ABCB4: variants seen among roughly 807,000 people sequenced by gnomAD.
ABCB4 encodes ATP binding cassette subfamily B member 4, also known as phosphatidylcholine translocator ABCB4.
A neutral mutation model predicts 145.7 loss-of-function variants in ABCB4; 76 were observed. The ratio of observed to expected loss-of-function variants is 0.52; its 90% CI spans 0.43 to 0.63. The LOEUF is 0.63. ABCB4 is among the 30% of genes least tolerant of loss of function. ABCB4 has a pLI of 0.00. For synonymous variants in ABCB4, 517 were observed against 566.8 expected (o/e 0.91, Z 1.25); for missense variants, 1,234 against 1,553.1 (o/e 0.79, Z 3.45).
chr7:87,416,744 T>C (rs1265397357), intron 21 of ABCB4, among the ~76,000 whole-genome samples: 1 of 152,200 alleles, frequency 6.6e-6, no homozygotes, highest in African/African-American at 2.4e-5. Context: ...GTGCCTGCCT[T>C]ATAGGATTAT....
intron 4 of ABCB4, among the ~76,000 whole-genome samples, chr7:87,455,534 G>A (rs1430852940): frequency 6.6e-6 from 1 of 152,214 alleles, no homozygotes; most frequent in Admixed American, 6.5e-5. Context: ...TGGCAGAGCT[G>A]AAAGTCAGCC....
At chr7:87,442,794 CA>C (rs1296815276) in intron 12 of ABCB4, among the ~76,000 whole-genome samples, 1 of 151,868 alleles carries the variant, frequency 6.6e-6, no homozygotes. Flanking sequence ...TTTTAAATGG[CA>C]AAAAAACATA....
intron 23 of ABCB4, among the ~76,000 whole-genome samples, chr7:87,409,705 G>T (rs1808472084): frequency 6.6e-6 from 1 of 152,176 alleles, no homozygotes; most frequent in Non-Finnish European, 1.5e-5. Flanking sequence ...AACTGAATCT[G>T]ATCTGTGAGC....
intron 4 of ABCB4, among the ~76,000 whole-genome samples, chr7:87,460,453 T>C (rs1812376525): frequency 6.6e-6 from 1 of 152,090 alleles, no homozygotes; most frequent in Admixed American, 6.5e-5. Context: ...CTCCCCTCTC[T>C]AGTAGATCTC....
intron 3 of ABCB4, among the ~76,000 whole-genome samples, chr7:87,470,918 A>T (rs1034854222): frequency 2.6e-4 from 39 of 152,196 alleles, no homozygotes; most frequent in African/African-American, 9.2e-4. Context: ...CACATGCACA[A>T]GTATGTTTAT....
the ABCB4 span, chr7:87,369,477 C>T: frequency 6.2e-7 from 1 of 1,608,732 alleles, no homozygotes; most frequent in Non-Finnish European, 8.5e-7. Flanking sequence ...CCCGCCAGAG[C>T]TTCTCAGGTT....
chr7:87,370,780 T>A, the ABCB4 span, among the ~76,000 whole-genome samples: 2 of 152,220 alleles, frequency 1.3e-5, no homozygotes, highest in African/African-American at 4.8e-5. Flanking sequence ...AAAAGGCTGC[T>A]GTGAAAATCC....
chr7:87,412,061 C>T (rs573038020), intron 22 of ABCB4, 28 bp from the exon 23 acceptor site: 1 of 1,612,944 alleles, frequency 6.2e-7, no homozygotes, highest in South Asian at 1.1e-5. Flanking sequence ...ATACTTGTAA[C>T]CATCTCTTCA....
At chr7:87,376,046 T>C in the ABCB4 span, 61 of 1,242,860 alleles carry the variant, frequency 4.9e-5, no homozygotes, top group Non-Finnish European at 6.4e-5. Flanking sequence ...TTTTTCTACC[T>C]TTAGGCTCTT....
intron 15 of ABCB4, among the ~76,000 whole-genome samples, chr7:87,428,877 A>T (rs1028872798): frequency 2.6e-5 from 4 of 152,246 alleles, no homozygotes; most frequent in African/African-American, 9.6e-5. Flanking sequence ...TTGGCTTATG[A>T]TGACTTTCAA....
intron 5 of ABCB4, 36 bp from the exon 6 acceptor site, chr7:87,453,171 CTCTTTTCTTTTT>C (rs1811873794): frequency 6.3e-7 from 1 of 1,591,928 alleles, no homozygotes; most frequent in Non-Finnish European, 8.6e-7. Flanking sequence ...TAAATACCTT[CTCTTTTCTTTTT>C]TCTTTTCTTT....
At chr7:87,374,412 A>G in the ABCB4 span, among the ~76,000 whole-genome samples, 1 of 152,084 alleles carries the variant, frequency 6.6e-6, no homozygotes, top group Non-Finnish European at 1.5e-5. Flanking sequence ...GAGGAAGTAA[A>G]AGTTTCATAG....
chr7:87,378,132 C>A, the ABCB4 span, among the ~76,000 whole-genome samples: 1 of 151,710 alleles, frequency 6.6e-6, no homozygotes, highest in Non-Finnish European at 1.5e-5. Flanking sequence ...TCACTTGAGC[C>A]CAGGAGATGG....
the ABCB4 span, among the ~76,000 whole-genome samples, chr7:87,368,561 C>T: frequency 2.0e-5 from 3 of 152,246 alleles, no homozygotes; most frequent in South Asian, 6.2e-4. Flanking sequence ...TGTTCTTCCT[C>T]ATAGTTGATG....
At position 87,451,814 on chromosome 7, in the gene ABCB4, A is replaced by G; in HGVS notation, c.537-20T>C. The G allele has an allele frequency of 6.2e-7, 1 of 1,613,544 alleles. No homozygotes were observed. On this transcript the variant is annotated intron_variant, in intron 6 of 27. Transcript: ENST00000649586. ...ATGTCACTAAAAAAGATCACACCTA[A>G]GTGGTTACAGGCAGGAGGTTTCAGT...
chr7:87,475,144 G>C (rs561879383), intron 2 of ABCB4, among the ~76,000 whole-genome samples: 1 of 152,156 alleles, frequency 6.6e-6, no homozygotes, highest in African/African-American at 2.4e-5. Context: ...AAAGGGAAGG[G>C]AGCACTTTTC....
intron 15 of ABCB4, among the ~76,000 whole-genome samples, chr7:87,427,413 T>G (rs1217718341): frequency 6.6e-6 from 1 of 152,172 alleles, no homozygotes. Context: ...CCTGCTCTCA[T>G]GCACACAACG....
chr7:87,449,657 T>G (rs1208863496), intron 8 of ABCB4, among the ~76,000 whole-genome samples: 1 of 152,026 alleles, frequency 6.6e-6, no homozygotes, highest in East Asian at 1.9e-4. Context: ...AGGCTGGTCT[T>G]GAGCTCCTGG....
the ABCB4 span, chr7:87,392,447 T>C: frequency 2.7e-6 from 2 of 745,150 alleles, no homozygotes; most frequent in South Asian, 1.7e-5. Flanking sequence ...GTTATAGATC[T>C]TCCTAGAAAT....
Sources: gnomAD v4.1 joint callset for allele counts (sites outside exome capture counted in the v4.1 genomes callset) on GRCh38, gnomAD v4.1.1 for gene constraint, MANE v1.5 for transcripts, NCBI Gene and HGNC (gene_info 2026-07-23, HGNC 2026-07-21) for gene names.